GRXCR1: variants seen among roughly 807,000 people sequenced by gnomAD.
The protein encoded by GRXCR1 is glutaredoxin domain-containing cysteine-rich protein 1.
Under a neutral mutation model 27.3 loss-of-function variants are expected in GRXCR1, and 27 were observed. That is an observed-to-expected ratio of 0.99 (90% CI 0.73 to 1.37). The LOEUF (loss-of-function observed/expected upper bound fraction) is 1.37. GRXCR1 is among the 40% of genes most tolerant of loss of function. GRXCR1 has a pLI of 0.00. For missense variants in GRXCR1, 379 were observed against 354.4 expected, an observed-to-expected ratio of 1.07 and a Z score of -0.56; for synonymous variants, 122 against 131.1, an observed-to-expected ratio of 0.93 and a Z score of 0.47.
rs1748116002 is a variant in GRXCR1 at position 42,960,855 on chromosome 4, T to G, written c.385-2037T>G. 6.6e-5 allele frequency among the ~76,000 whole-genome samples: 10 copies of G among 152,000 alleles called. No homozygotes were observed. In the South Asian group the frequency reaches 2.1e-3, roughly 32 times the overall value. On this transcript the variant is annotated intron_variant, in intron 1 of 3. Transcript: ENST00000399770. ...CCTTTTTTAAAATTTTAATTTTAAT[T>G]TTAAGTTCTGGGGAACATGTGCAGG...
chr4:42,897,927 T>C (rs951703078), intron 1 of GRXCR1, among the ~76,000 whole-genome samples: 7 of 35,842 alleles, frequency 2.0e-4, no homozygotes, highest in South Asian at 2.2e-3. Flanking sequence ...ATTACTATTA[T>C]TATTATTATT....
At chr4:42,992,216 A>G (rs1251983517) in intron 2 of GRXCR1, among the ~76,000 whole-genome samples, 3 of 152,314 alleles carry the variant, frequency 2.0e-5, no homozygotes, top group Middle Eastern at 3.4e-3. Flanking sequence ...TAAGAAGATT[A>G]TAGAATACAA....
rs367754173 is a variant in GRXCR1 at position 42,986,781 on chromosome 4, C to G, written c.627+23647C>G. Among the ~76,000 whole-genome samples, 67 of 152,062 alleles carry G rather than the reference C, an allele frequency of 4.4e-4. 2 individuals carry two copies. In the South Asian group the frequency reaches 1.0e-2, roughly 23 times the overall value. ...TGGAACTCAGGTAATATTTCTAATT[C>G]AGGGTGGAGTGTGGTAGTCCTCTCT... On this transcript the variant is annotated intron_variant, in intron 2 of 3. Coordinates refer to ENST00000399770, the MANE Select transcript of GRXCR1 (RefSeq NM_001080476.3).
chr4:43,024,197 C>CTTTTTTT (rs60704333), intron 3 of GRXCR1, among the ~76,000 whole-genome samples: 43,490 of 93,280 alleles, frequency 0.47, 10,761 homozygotes, highest in East Asian at 0.74. Context: ...ATTTTCTGTC[C>CTTTTTTT]TTTTTTTTTT....
intron 1 of GRXCR1, among the ~76,000 whole-genome samples, chr4:42,915,172 G>A (rs113650941): frequency 8.3e-4 from 126 of 152,270 alleles, no homozygotes; most frequent in African/African-American, 2.9e-3. Context: ...CAGTAAAAGA[G>A]GCGGGGTAAA....
chr4:42,972,840 A>G (rs1748421240), intron 2 of GRXCR1, among the ~76,000 whole-genome samples: 1 of 152,078 alleles, frequency 6.6e-6, no homozygotes, highest in Admixed American at 6.6e-5. Context: ...TCAATTGACA[A>G]TGGCCTTCAG....
intron 3 of GRXCR1, among the ~76,000 whole-genome samples, chr4:43,022,750 T>C (rs1172663979): frequency 2.6e-5 from 4 of 152,140 alleles, no homozygotes; most frequent in Non-Finnish European, 5.9e-5. Context: ...GGATACAAAA[T>C]ACAGATCCAA....
At chr4:43,006,968 C>T (rs531897971) in intron 2 of GRXCR1, among the ~76,000 whole-genome samples, 54 of 152,146 alleles carry the variant, frequency 3.5e-4, no homozygotes, top group Admixed American at 1.7e-3. Context: ...ACCTACATGA[C>T]TATCTGGGCA....
chr4:42,964,482 T>C (rs1330786110), intron 2 of GRXCR1, among the ~76,000 whole-genome samples: 2 of 152,036 alleles, frequency 1.3e-5, no homozygotes, highest in African/African-American at 4.8e-5. Flanking sequence ...AGGCTGATTG[T>C]GAGAATATTG....
At chr4:42,993,577 A>G (rs1193428078) in intron 2 of GRXCR1, among the ~76,000 whole-genome samples, 1 of 152,116 alleles carries the variant, frequency 6.6e-6, no homozygotes, top group African/African-American at 2.4e-5. Context: ...GAATACTTAC[A>G]TTGGCCTGCC....
chr4:42,941,900 C>G (rs1408728449), intron 1 of GRXCR1, among the ~76,000 whole-genome samples: 4 of 152,090 alleles, frequency 2.6e-5, no homozygotes, highest in Non-Finnish European at 5.9e-5. Context: ...CATTTTCCCT[C>G]TTTAAAAAAA....
intron 2 of GRXCR1, among the ~76,000 whole-genome samples, chr4:42,980,116 A>T: frequency 6.6e-6 from 1 of 150,522 alleles, no homozygotes; most frequent in South Asian, 2.1e-4. Context: ...AGTTTTGTTG[A>T]TTTATTTTTG....
rs149294479 is a variant in GRXCR1 at position 42,931,059 on chromosome 4, CT to C, written c.385-31823del. Among the ~76,000 whole-genome samples, 1,247 of 148,498 alleles carry C rather than the reference CT, an allele frequency of 8.4e-3. 7 individuals carry two copies. The highest frequency in any genetic ancestry group is 0.012 in the Non-Finnish European group (783 of 66,742). ...CAACATTCCTGAGGACAAAATAAAG[CT>C]TTTTTTTTTCCCTTTTTACAAATGG... On this transcript the variant is annotated intron_variant, in intron 1 of 3. Coordinates refer to ENST00000399770, the MANE Select transcript of GRXCR1 (RefSeq NM_001080476.3).
chr4:42,932,661 G>C (rs1230565111), intron 1 of GRXCR1, among the ~76,000 whole-genome samples: 1 of 120,340 alleles, frequency 8.3e-6, no homozygotes, highest in Non-Finnish European at 1.7e-5. Context: ...GAGAGAGAGA[G>C]AGAGGCAATC....
intron 2 of GRXCR1, among the ~76,000 whole-genome samples, chr4:43,014,513 C>T (rs906307118): frequency 2.0e-5 from 3 of 152,162 alleles, no homozygotes; most frequent in Admixed American, 1.3e-4. Flanking sequence ...CCTTTATCAG[C>T]CAGTACTAAA....
chr4:42,940,165 C>T (rs1191889950), intron 1 of GRXCR1, among the ~76,000 whole-genome samples: 2 of 151,888 alleles, frequency 1.3e-5, no homozygotes, highest in Non-Finnish European at 2.9e-5. Context: ...GAGGTAAAAC[C>T]CTGGAATTAA....
chr4:42,903,534 T>G (rs141208361), intron 1 of GRXCR1, among the ~76,000 whole-genome samples: 2,712 of 147,176 alleles, frequency 0.018, 183 homozygotes, highest in African/African-American at 0.063. Flanking sequence ...GGATGGTCTC[T>G]ATCTCCAGAC....
At chr4:42,981,690 C>T (rs1388403646) in intron 2 of GRXCR1, among the ~76,000 whole-genome samples, 1 of 152,102 alleles carries the variant, frequency 6.6e-6, no homozygotes, top group African/African-American at 2.4e-5. Flanking sequence ...GACAGTTTTG[C>T]TGGCTATAGT....
chr4:42,906,472 T>G (rs1459976076), intron 1 of GRXCR1, among the ~76,000 whole-genome samples: 2 of 152,094 alleles, frequency 1.3e-5, no homozygotes, highest in Non-Finnish European at 2.9e-5. Flanking sequence ...GCTCTTTCCT[T>G]TACTCTTTGC....
Sources: gnomAD v4.1 joint callset for allele counts (sites outside exome capture counted in the v4.1 genomes callset) on GRCh38, gnomAD v4.1.1 for gene constraint, MANE v1.5 for transcripts, NCBI Gene and HGNC (gene_info 2026-07-23, HGNC 2026-07-21) for gene names.